The following PLEKHA5 variants were observed in gnomAD, a reference collection of about 807,000 sequenced individuals.
The protein encoded by PLEKHA5 is pleckstrin homology domain containing A5.
Under a neutral mutation model 181.9 loss-of-function variants are expected in PLEKHA5, and 55 were observed. The observed-to-expected ratio is 0.30, with a 90% CI of 0.24 to 0.38. The LOEUF (loss-of-function observed/expected upper bound fraction) is 0.38. PLEKHA5 is among the 10% of genes least tolerant of loss of function. The pLI, the probability that PLEKHA5 is intolerant of heterozygous loss-of-function variation, is 1.00. For missense variants in PLEKHA5, 1,432 were observed against 1,549.5 expected (o/e 0.92, Z 1.27); for synonymous variants, 535 against 529.4 (o/e 1.01, Z -0.15).
chr12:19,324,203 A>G (rs1180679377), intron 20 of PLEKHA5, among the ~76,000 whole-genome samples: 5 of 152,184 alleles, frequency 3.3e-5, no homozygotes, highest in Non-Finnish European at 7.3e-5. Context: ...CTTGGCTTCT[A>G]TTCTGAACCC....
intron 3 of PLEKHA5, among the ~76,000 whole-genome samples, chr12:19,214,879 TAA>T (rs34944576): frequency 7.1e-4 from 106 of 148,600 alleles, no homozygotes; most frequent in Non-Finnish European, 7.9e-4. Context: ...TTTCTTTCCT[TAA>T]AAAAAAAAAA....
At chr12:19,191,972 C>T (rs950633723) in intron 3 of PLEKHA5, among the ~76,000 whole-genome samples, 3 of 152,052 alleles carry the variant, frequency 2.0e-5, no homozygotes, top group African/African-American at 7.2e-5. Flanking sequence ...AAAAGGCCAG[C>T]CTTGATTCAT....
intron 29 of PLEKHA5, among the ~76,000 whole-genome samples, chr12:19,363,659 T>C (rs1040503858): frequency 6.6e-6 from 1 of 151,756 alleles, no homozygotes; most frequent in African/African-American, 2.4e-5. Flanking sequence ...GCCCAGCTAA[T>C]TTTTGTATTT....
At chr12:19,149,200 T>G (rs972606670) in intron 3 of PLEKHA5, among the ~76,000 whole-genome samples, 3 of 152,098 alleles carry the variant, frequency 2.0e-5, no homozygotes, top group African/African-American at 7.2e-5. Context: ...GCTGTATCAG[T>G]TATTGCTCTA....
chr12:19,134,076 G>C (rs117561653), intron 3 of PLEKHA5, among the ~76,000 whole-genome samples: 1 of 151,920 alleles, frequency 6.6e-6, no homozygotes. Flanking sequence ...ATTTCTTTGC[G>C]TGCATTCTTG....
At chr12:19,332,847 G>A (rs552298256) in intron 20 of PLEKHA5, among the ~76,000 whole-genome samples, 27 of 152,212 alleles carry the variant, frequency 1.8e-4, no homozygotes, top group African/African-American at 6.0e-4. Flanking sequence ...GCAGAGATGG[G>A]ATTTCACCAT....
intron 3 of PLEKHA5, among the ~76,000 whole-genome samples, chr12:19,172,807 G>A (rs1430839320): frequency 6.6e-6 from 1 of 152,030 alleles, no homozygotes; most frequent in East Asian, 1.9e-4. Context: ...AAATGGCAGA[G>A]CCAGGAAAAT....
rs554687486 is a variant in PLEKHA5 at position 19,195,016 on chromosome 12, GTGTTTGTCACATTTCAAAAA to G, written c.228-58919_228-58900del. Among the ~76,000 whole-genome samples the G allele has an allele frequency of 3.4e-3, 511 of 152,254 alleles. 1 individual carries two copies. The highest frequency in any genetic ancestry group is 6.8e-3 in the Middle Eastern group (2 of 294). On this transcript the variant is annotated intron_variant, in intron 3 of 31. Transcript: ENST00000429027. The stretch of plus-strand genomic sequence containing the variant: ...GGGCATTTATACTGTACCAGACACT[GTGTTTGTCACATTTCAAAAA>G]TGTTCTCATGGTAATGTTCACAATA...
intron 3 of PLEKHA5, chr12:19,200,617 A>G: frequency 8.8e-7 from 1 of 1,130,006 alleles, no homozygotes; most frequent in Non-Finnish European, 1.1e-6. Context: ...GAACTTCATT[A>G]GCTTTTTCTT....
chr12:19,226,632 A>G (rs781696075), intron 3 of PLEKHA5, among the ~76,000 whole-genome samples: 9 of 152,202 alleles, frequency 5.9e-5, no homozygotes, highest in Non-Finnish European at 7.3e-5. Context: ...ATTTTTTGTT[A>G]TAGTTAGGTA....
chr12:19,306,490 C>A, intron 15 of PLEKHA5: 2 of 699,020 alleles, frequency 2.9e-6, no homozygotes, highest in South Asian at 1.4e-5. Flanking sequence ...TCTTCCCCCT[C>A]CTTGCTGTGT....
At chr12:19,131,376 G>A (rs1482197409) in intron 2 of PLEKHA5, among the ~76,000 whole-genome samples, 6 of 152,208 alleles carry the variant, frequency 3.9e-5, no homozygotes, top group Admixed American at 3.3e-4. Context: ...CAAGCATGAT[G>A]AGCTTACATT....
chr12:19,160,845 G>A (rs1182879925), intron 3 of PLEKHA5, among the ~76,000 whole-genome samples: 1 of 151,854 alleles, frequency 6.6e-6, no homozygotes, highest in African/African-American at 2.4e-5. Context: ...GGGGTGTAGA[G>A]GCTTATAATC....
chr12:19,213,253 T>C (rs2057323418), intron 3 of PLEKHA5, among the ~76,000 whole-genome samples: 1 of 151,892 alleles, frequency 6.6e-6, no homozygotes, highest in South Asian at 2.1e-4. Flanking sequence ...GCAGATTATG[T>C]CTGTGTTGGG....
At chr12:19,372,358 A>T (rs1391982056) in intron 31 of PLEKHA5, 1 of 148,582 alleles carries the variant, frequency 6.7e-6, no homozygotes, top group Admixed American at 6.7e-5. Flanking sequence ...AGAAATGCCT[A>T]TTCGCGTCAT....
chr12:19,152,331 C>T (rs1306962168), intron 3 of PLEKHA5: 4 of 152,146 alleles, frequency 2.6e-5, no homozygotes, highest in African/African-American at 4.8e-5. Flanking sequence ...AGCAGGACAA[C>T]AGTGGAAGAT....
intron 3 of PLEKHA5, among the ~76,000 whole-genome samples, chr12:19,207,884 A>G (rs2055964112): frequency 6.6e-6 from 1 of 152,352 alleles, no homozygotes. Flanking sequence ...AGTAAAATGT[A>G]TAATTAGTAG....
intron 15 of PLEKHA5, chr12:19,306,741 G>A (rs2083879826): frequency 4.4e-6 from 5 of 1,142,604 alleles, no homozygotes; most frequent in South Asian, 1.2e-5. Flanking sequence ...TCTTCCCGCC[G>A]GATAATTCAC....
chr12:19,150,328 G>A (rs2040079803), intron 3 of PLEKHA5: 1 of 152,154 alleles, frequency 6.6e-6, no homozygotes. Context: ...TGTTTTGGGG[G>A]ATGGAGGAAG....
Sources: allele counts gnomAD v4.1 joint callset (sites outside exome capture counted in the v4.1 genomes callset), GRCh38; gene constraint gnomAD v4.1.1; transcripts MANE v1.5; gene names NCBI Gene and HGNC (gene_info 2026-07-23, HGNC 2026-07-21).